Variants in ZMAT4 observed in about 807,000 individuals in gnomAD.
ZMAT4 encodes zinc finger matrin-type 4, also known as zinc finger matrin-type protein 4.
In ZMAT4, 17 loss-of-function variants were observed where a neutral mutation model predicts 28.7. The observed-to-expected ratio is 0.59, with a 90% CI of 0.41 to 0.89. The LOEUF (loss-of-function observed/expected upper bound fraction) is 0.89, where lower values mean the gene tolerates loss of function less well. ZMAT4 is among the 40% of genes least tolerant of loss of function. ZMAT4 has a pLI of 0.00. For synonymous variants in ZMAT4, 117 were observed against 109.2 expected (o/e 1.07, Z -0.44); for missense variants, 240 against 283.8 (o/e 0.85, Z 1.11).
intron 3 of ZMAT4, among the ~76,000 whole-genome samples, chr8:40,700,893 T>C (rs1040305368): frequency 6.6e-6 from 1 of 152,240 alleles, no homozygotes; most frequent in Non-Finnish European, 1.5e-5. Flanking sequence ...TCTAGGAAAC[T>C]GTCTCATTGA....
intron 3 of ZMAT4, among the ~76,000 whole-genome samples, chr8:40,724,543 C>T (rs1313483087): frequency 6.6e-6 from 1 of 152,180 alleles, no homozygotes; most frequent in African/African-American, 2.4e-5. Flanking sequence ...TACTATATGC[C>T]AGGCATTGAG....
intron 1 of ZMAT4, among the ~76,000 whole-genome samples, chr8:40,887,713 G>C (rs1310864957): frequency 2.0e-5 from 3 of 152,132 alleles, no homozygotes; most frequent in Non-Finnish European, 2.9e-5. Flanking sequence ...AGACACGGCA[G>C]AGGGGAAAGA....
intron 1 of ZMAT4, among the ~76,000 whole-genome samples, chr8:40,895,901 G>C (rs1251909020): frequency 6.6e-6 from 1 of 152,254 alleles, no homozygotes. Context: ...AGAGGCCACA[G>C]AGGACGACGT....
At chr8:40,810,767 A>G (rs1484413908) in intron 2 of ZMAT4, among the ~76,000 whole-genome samples, 1 of 152,222 alleles carries the variant, frequency 6.6e-6, no homozygotes, top group Non-Finnish European at 1.5e-5. Context: ...TAACAGGAAG[A>G]TGACAGAATG....
chr8:40,567,011 G>A (rs1467792624), intron 6 of ZMAT4, among the ~76,000 whole-genome samples: 1 of 152,104 alleles, frequency 6.6e-6, no homozygotes, highest in Non-Finnish European at 1.5e-5. Context: ...AGTGGTGATG[G>A]TTTTAGAAAT....
At chr8:40,848,258 C>A (rs1816979295) in intron 1 of ZMAT4, among the ~76,000 whole-genome samples, 1 of 152,196 alleles carries the variant, frequency 6.6e-6, no homozygotes, top group African/African-American at 2.4e-5. Flanking sequence ...AGAAAGAACA[C>A]AAGCCTATGG....
chr8:40,640,970 A>AC (rs2118762139), intron 5 of ZMAT4, among the ~76,000 whole-genome samples: 1 of 151,728 alleles, frequency 6.6e-6, no homozygotes, highest in East Asian at 1.9e-4. Context: ...AAAAAAAAAA[A>AC]GAAAGAAAAA....
chr8:40,874,473 C>A (rs1236019175), intron 1 of ZMAT4, among the ~76,000 whole-genome samples: 1 of 152,210 alleles, frequency 6.6e-6, no homozygotes, highest in African/African-American at 2.4e-5. Flanking sequence ...CCCTTTCCTA[C>A]TTCCCCAATG....
chr8:40,796,185 T>C (rs946575326), intron 2 of ZMAT4, among the ~76,000 whole-genome samples: 4 of 152,162 alleles, frequency 2.6e-5, no homozygotes, highest in African/African-American at 9.7e-5. Flanking sequence ...AGATACCCAG[T>C]GTGCATCCAC....
At chr8:40,707,892 TAATA>T (rs1314512049) in intron 3 of ZMAT4, among the ~76,000 whole-genome samples, 1 of 152,220 alleles carries the variant, frequency 6.6e-6, no homozygotes, top group African/African-American at 2.4e-5. Flanking sequence ...ATAGACCATT[TAATA>T]AATATCTATC....
chr8:40,699,032 T>C (rs1810014904), intron 3 of ZMAT4, among the ~76,000 whole-genome samples: 1 of 152,146 alleles, frequency 6.6e-6, no homozygotes, highest in Admixed American at 6.6e-5. Context: ...GTACGAATAC[T>C]TTTAGTTCTG....
At chr8:40,559,406 C>T (rs969960970) in intron 6 of ZMAT4, among the ~76,000 whole-genome samples, 1 of 152,066 alleles carries the variant, frequency 6.6e-6, no homozygotes. Context: ...TACTGAACCC[C>T]TTCATGAATA....
At chr8:40,895,907 G>A (rs1300955783) in intron 1 of ZMAT4, among the ~76,000 whole-genome samples, 1 of 152,202 alleles carries the variant, frequency 6.6e-6, no homozygotes, top group Non-Finnish European at 1.5e-5. Flanking sequence ...CACAGAGGAC[G>A]ACGTCCATGA....
At chr8:40,683,934 A>T (rs1360542676) in intron 4 of ZMAT4, among the ~76,000 whole-genome samples, 1 of 152,008 alleles carries the variant, frequency 6.6e-6, no homozygotes, top group East Asian at 1.9e-4. Flanking sequence ...GCATGGTGGC[A>T]CGCGCCTGTA....
chr8:40,731,587 G>A (rs1811545733), intron 3 of ZMAT4, among the ~76,000 whole-genome samples: 1 of 152,108 alleles, frequency 6.6e-6, no homozygotes, highest in South Asian at 2.1e-4. Flanking sequence ...CCATTCAAAG[G>A]AAAAACAGTA....
chr8:40,783,240 T>A (rs1813917415), intron 2 of ZMAT4, among the ~76,000 whole-genome samples: 1 of 152,204 alleles, frequency 6.6e-6, no homozygotes, highest in South Asian at 2.1e-4. Flanking sequence ...AATGAAACTC[T>A]CACACATGCT....
chr8:40,642,064 G>C (rs553410117), intron 5 of ZMAT4, among the ~76,000 whole-genome samples: 2 of 152,172 alleles, frequency 1.3e-5, no homozygotes, highest in South Asian at 2.1e-4. Context: ...GGTCATTAAG[G>C]TTGTCAAATT....
intron 5 of ZMAT4, among the ~76,000 whole-genome samples, chr8:40,589,182 T>G (rs1364045405): frequency 6.6e-6 from 1 of 152,170 alleles, no homozygotes; most frequent in Non-Finnish European, 1.5e-5. Context: ...TCCCATTTAC[T>G]CATTTACTCT....
intron 5 of ZMAT4, among the ~76,000 whole-genome samples, chr8:40,637,077 A>G (rs956025583): frequency 1.4e-5 from 2 of 141,662 alleles, no homozygotes; most frequent in African/African-American, 5.1e-5. Flanking sequence ...AATATAAAAA[A>G]TAATGAAATA....
Sources: gnomAD v4.1 joint callset for allele counts (sites outside exome capture counted in the v4.1 genomes callset) on GRCh38, gnomAD v4.1.1 for gene constraint, MANE v1.5 for transcripts, NCBI Gene and HGNC (gene_info 2026-07-23, HGNC 2026-07-21) for gene names.